Variants in RGS6 observed in about 807,000 individuals in gnomAD.
RGS6 encodes the protein regulator of G-protein signaling 6.
A neutral mutation model predicts 78.5 loss-of-function variants in RGS6; 30 were observed. That is an observed-to-expected ratio of 0.38 (90% CI 0.29 to 0.52). The LOEUF is 0.52. Ranked by LOEUF, RGS6 falls within the 20% of genes least tolerant of loss-of-function variation. RGS6 has a pLI of 0.85. For synonymous variants in RGS6, 206 were observed against 206.0 expected, an observed-to-expected ratio of 1.00 and a Z score of 0.00; for missense variants, 495 against 609.7, an observed-to-expected ratio of 0.81 and a Z score of 1.98.
At chr14:72,457,466 CT>C (rs1219759350) in intron 4 of RGS6, among the ~76,000 whole-genome samples, 98 of 145,996 alleles carry the variant, frequency 6.7e-4, no homozygotes, top group Admixed American at 7.5e-4. Flanking sequence ...AAATTCTTAA[CT>C]TTTTTTTTTT....
chr14:72,251,240 G>T (rs926144451), intron 2 of RGS6, among the ~76,000 whole-genome samples: 1 of 152,286 alleles, frequency 6.6e-6, no homozygotes, highest in Non-Finnish European at 1.5e-5. Flanking sequence ...TTCCTGAAGC[G>T]GTCCTCAGAA....
At chr14:72,279,008 A>G (rs907201977) in intron 2 of RGS6, among the ~76,000 whole-genome samples, 1 of 152,078 alleles carries the variant, frequency 6.6e-6, no homozygotes, top group Non-Finnish European at 1.5e-5. Flanking sequence ...AAGGACACTC[A>G]TCCTATCCGA....
chr14:72,561,894 G>C (rs549399030), intron 17 of RGS6, among the ~76,000 whole-genome samples: 2 of 152,234 alleles, frequency 1.3e-5, no homozygotes, highest in African/African-American at 4.8e-5. Context: ...TCATCAAGAG[G>C]ACTCAAGGTC....
intron 3 of RGS6, among the ~76,000 whole-genome samples, chr14:72,386,160 T>A (rs538640729): frequency 6.6e-6 from 1 of 152,318 alleles, no homozygotes; most frequent in Admixed American, 6.5e-5. Context: ...TAACACTGAC[T>A]TGGAGCCCAT....
the RGS6 span, among the ~76,000 whole-genome samples, chr14:72,611,564 G>A: frequency 7.2e-5 from 11 of 152,170 alleles, no homozygotes; most frequent in African/African-American, 2.4e-4. Flanking sequence ...AGACCACTGT[G>A]GGGGTCATTT....
At chr14:71,878,575 C>T in the RGS6 span, among the ~76,000 whole-genome samples, 15 of 152,300 alleles carry the variant, frequency 9.8e-5, no homozygotes, top group South Asian at 1.0e-3. Context: ...TTCCAGGTGC[C>T]GTCTGTCACA....
chr14:72,066,366 T>C (rs933962537), intron 2 of RGS6, among the ~76,000 whole-genome samples: 1 of 152,168 alleles, frequency 6.6e-6, no homozygotes, highest in Non-Finnish European at 1.5e-5. Context: ...TGTATGTTAC[T>C]GCTTCAAGCC....
chr14:72,050,139 CT>C (rs1390840733), intron 2 of RGS6, among the ~76,000 whole-genome samples: 3 of 151,978 alleles, frequency 2.0e-5, no homozygotes, highest in Non-Finnish European at 4.4e-5. Context: ...ATGAGGTAAA[CT>C]GAAATGTGAC....
chr14:71,898,313 C>T, the RGS6 span, among the ~76,000 whole-genome samples: 1 of 152,170 alleles, frequency 6.6e-6, no homozygotes, highest in South Asian at 2.1e-4. Flanking sequence ...TCACCCCAAC[C>T]ACCATCTTAC....
At chr14:72,420,317 G>A (rs566257345) in intron 3 of RGS6, among the ~76,000 whole-genome samples, 39 of 152,334 alleles carry the variant, frequency 2.6e-4, no homozygotes, top group African/African-American at 9.6e-5. Flanking sequence ...CTGTCTGCAG[G>A]CAAGAATAAG....
chr14:72,228,511 T>A (rs1256123079), intron 2 of RGS6, among the ~76,000 whole-genome samples: 1 of 152,234 alleles, frequency 6.6e-6, no homozygotes, highest in Middle Eastern at 3.2e-3. Context: ...GATTTGTATT[T>A]GAGAAAGATA....
At chr14:71,970,604 A>G (rs367616069) in intron 2 of RGS6, among the ~76,000 whole-genome samples, 5 of 152,208 alleles carry the variant, frequency 3.3e-5, no homozygotes, top group African/African-American at 4.8e-5. Flanking sequence ...AGCCAGCACA[A>G]TTGAGAGTCT....
chr14:72,340,202 C>T (rs1185298250), intron 2 of RGS6, among the ~76,000 whole-genome samples: 1 of 152,282 alleles, frequency 6.6e-6, no homozygotes, highest in South Asian at 2.1e-4. Context: ...GAGTTCTCTA[C>T]ACTACAATTT....
rs560931350 is a variant in RGS6, at chr14:72,457,866, G to A, written c.236-405G>A. Among the ~76,000 whole-genome samples, 5 of 152,336 alleles carry A rather than the reference G, an allele frequency of 3.3e-5. No homozygotes were observed. In the East Asian group the frequency reaches 7.7e-4, roughly 24 times the overall value. On this transcript the variant is annotated intron_variant, in intron 4 of 17. Transcript: ENST00000553525. The stretch of plus-strand genomic sequence containing the variant: ...GCGAGGCTGCATTCTTACTGCTGGG[G>A]ATGATGAAACTGGTATGAATCAGAG...
At chr14:72,164,103 G>A (rs1037950129) in intron 2 of RGS6, among the ~76,000 whole-genome samples, 2 of 152,110 alleles carry the variant, frequency 1.3e-5, no homozygotes, top group African/African-American at 4.8e-5. Flanking sequence ...CCAGCAAGGG[G>A]ATTGTTTAAC....
At chr14:71,966,885 G>A (rs1028585653) in intron 2 of RGS6, among the ~76,000 whole-genome samples, 9 of 151,674 alleles carry the variant, frequency 5.9e-5, no homozygotes, top group Non-Finnish European at 8.8e-5. Flanking sequence ...TTAAGACACA[G>A]GAAAACAATA....
intron 1 of RGS6, among the ~76,000 whole-genome samples, chr14:71,945,744 G>T (rs1242296937): frequency 1.3e-5 from 2 of 152,146 alleles, no homozygotes; most frequent in Non-Finnish European, 2.9e-5. Flanking sequence ...GACAGGTGGA[G>T]AATGTGTTTA....
At chr14:72,136,438 C>T (rs527432607) in intron 2 of RGS6, among the ~76,000 whole-genome samples, 9 of 152,222 alleles carry the variant, frequency 5.9e-5, no homozygotes, top group Admixed American at 2.6e-4. Context: ...TTAATGGATT[C>T]ACAGTTCCAC....
intron 2 of RGS6, among the ~76,000 whole-genome samples, chr14:72,306,622 G>T (rs1217737119): frequency 1.3e-5 from 2 of 152,196 alleles, no homozygotes; most frequent in African/African-American, 2.4e-5. Flanking sequence ...GACTTTGGAG[G>T]GGTTCAAGAC....
Sources: gnomAD v4.1 joint callset for allele counts (sites outside exome capture counted in the v4.1 genomes callset) on GRCh38, gnomAD v4.1.1 for gene constraint, MANE v1.5 for transcripts, NCBI Gene and HGNC (gene_info 2026-07-23, HGNC 2026-07-21) for gene names.